ZFYVE28: variants seen among roughly 807,000 people sequenced by gnomAD.
ZFYVE28 encodes the protein zinc finger FYVE-type containing 28, also known as lateral signaling target protein 2 homolog.
ZFYVE28 carries 40 observed loss-of-function variants against 82.1 expected under a neutral mutation model. The observed-to-expected ratio is 0.49, with a 90% CI of 0.38 to 0.63. ZFYVE28 has a LOEUF of 0.63. Among genes scored for constraint, ZFYVE28 ranks in the 30% least tolerant of loss-of-function variants. The pLI, the probability that ZFYVE28 is intolerant of heterozygous loss-of-function variation, is 0.00. For synonymous variants in ZFYVE28, 612 were observed against 546.1 expected (o/e 1.12, Z -1.68); for missense variants, 1,321 against 1,242.1 (o/e 1.06, Z -0.96).
intron 7 of ZFYVE28, 53 bp from the exon 8 acceptor site, chr4:2,305,589 T>TCCAG (rs1716444572): frequency 1.8e-5 from 29 of 1,606,600 alleles, no homozygotes; most frequent in Non-Finnish European, 2.5e-5. Context: ...CACACCAGCC[T>TCCAG]CCTTGGCCAG....
chr4:2,367,688 C>T (rs974387688), intron 1 of ZFYVE28, among the ~76,000 whole-genome samples: 2 of 152,220 alleles, frequency 1.3e-5, no homozygotes, highest in East Asian at 3.9e-4. Flanking sequence ...CCACAACAGC[C>T]GGCCCAGGAT....
chr4:2,314,867 C>G (rs1434094660), intron 7 of ZFYVE28, among the ~76,000 whole-genome samples: 1 of 152,186 alleles, frequency 6.6e-6, no homozygotes, highest in Admixed American at 6.5e-5. Flanking sequence ...CAACCTCAAA[C>G]TCCTGGGCTC....
chr4:2,395,680 C>CA (rs1285872742), intron 1 of ZFYVE28, among the ~76,000 whole-genome samples: 1 of 152,212 alleles, frequency 6.6e-6, no homozygotes, highest in Non-Finnish European at 1.5e-5. Flanking sequence ...TCCCCACTCC[C>CA]AGCTCTTCTC....
chr4:2,408,887 C>T lies in ZFYVE28; in HGVS notation c.39+9398G>A, dbSNP rs1334136350. ...GTGATGGTTTGAAGCTCTCAGTTCC[C>T]GGCGGTTTCTAAGTGGACCTTCCCA... On this transcript the variant is annotated intron_variant, in intron 1 of 12. Coordinates refer to ENST00000290974, the MANE Select transcript of ZFYVE28 (RefSeq NM_020972.3). The surrounding 1 kb of genome is among the most constrained non-coding windows in gnomAD (Gnocchi z 4.3). 1.3e-5 allele frequency among the ~76,000 whole-genome samples: 2 copies of T among 152,218 alleles called. No homozygotes were observed. The highest frequency in any genetic ancestry group is 2.9e-5 in the Non-Finnish European group (2 of 68,026).
At chr4:2,293,858 A>G (rs896354729) in intron 8 of ZFYVE28, among the ~76,000 whole-genome samples, 1 of 152,140 alleles carries the variant, frequency 6.6e-6, no homozygotes, top group African/African-American at 2.4e-5. Context: ...CCAATTGACA[A>G]TGGCATCACA....
At chr4:2,383,876 G>A (rs1415618351) in intron 1 of ZFYVE28, among the ~76,000 whole-genome samples, 1 of 152,166 alleles carries the variant, frequency 6.6e-6, no homozygotes, top group Non-Finnish European at 1.5e-5. Flanking sequence ...CGCTCTCCAG[G>A]AGCCATCTCC....
rs1727102548 is a variant in ZFYVE28 at position 2,368,215 on chromosome 4, A to AAAAAAAAAAAAC, written c.40-14143_40-14142insGTTTTTTTTTTT. ...CAACAAAGCAACACATCTCTACAAAAAAAAAAAAAAAAAAACACTGTATCT... is the reference window on the plus strand; with the variant it reads ...CAACAAAGCAACACATCTCTACAAAAAAAAAAAAAAACAAAAAAAAAAAAAAACACTGTATCT... On this transcript the variant is annotated intron_variant, in intron 1 of 12. Transcript: ENST00000290974. Among the ~76,000 whole-genome samples, 3 of 146,290 alleles carry AAAAAAAAAAAAC rather than the reference A, an allele frequency of 2.1e-5. 1 individual carries two copies. The highest frequency in any genetic ancestry group is 4.5e-5 in the Non-Finnish European group (3 of 66,022).
intron 1 of ZFYVE28, among the ~76,000 whole-genome samples, chr4:2,403,380 C>T (rs528245441): frequency 2.0e-5 from 3 of 152,270 alleles, no homozygotes; most frequent in Non-Finnish European, 2.9e-5. Context: ...GTCACACACA[C>T]GAGTGTCAAC....
At position 2,269,734 on chromosome 4, in the gene ZFYVE28, C is replaced by G. The variant is rs889303941; in HGVS notation, c.*991G>C. 6.6e-6 allele frequency: 1 copy of G among 152,194 alleles called. No individual in the cohort carries two copies. The highest frequency in any genetic ancestry group is 1.5e-5 in the Non-Finnish European group (1 of 68,042). The allele number at this position is 152,194 out of a possible 1,614,324, so 9.4% of individuals were successfully genotyped here. ...CCGTTTCTATGCATATGTACTCCACCAGTAAACAGTAATTAGATTTATCCT... is the reference window on the plus strand; with the variant it reads ...CCGTTTCTATGCATATGTACTCCACGAGTAAACAGTAATTAGATTTATCCT... On this transcript the variant is annotated 3_prime_UTR_variant, in exon 13 of 13. Transcript: ENST00000290974.
intron 6 of ZFYVE28, among the ~76,000 whole-genome samples, chr4:2,322,015 C>T (rs1719153177): frequency 6.6e-6 from 1 of 152,194 alleles, no homozygotes; most frequent in Non-Finnish European, 1.5e-5. Context: ...CCTGCGGGGA[C>T]CCAAGACCCC....
Position 2,370,269 on chromosome 4 carries a change from TTTGCCTGGTCCTGTGTCATCAGGGG to T in ZFYVE28, c.40-16221_40-16197del, listed in dbSNP as rs370361253. On this transcript the variant is annotated intron_variant, in intron 1 of 12. Coordinates refer to ENST00000290974, the MANE Select transcript of ZFYVE28 (RefSeq NM_020972.3). ...ATGTCCCACAGCGGAGAGAAGGGGA[TTTGCCTGGTCCTGTGTCATCAGGGG>T]CACTGAGAAACCCCATGTCAGTGCG... Among the ~76,000 whole-genome samples the T allele has an allele frequency of 5.8e-3, 888 of 152,150 alleles. 7 individuals carry two copies. Among genetic ancestry groups the T allele is most frequent in the African/African-American group, 0.02 (842 of 41,512 alleles).
At chr4:2,398,184 G>T (rs1257417193) in intron 1 of ZFYVE28, among the ~76,000 whole-genome samples, 1 of 152,212 alleles carries the variant, frequency 6.6e-6, no homozygotes, top group Non-Finnish European at 1.5e-5. Flanking sequence ...GGATGGCCTG[G>T]CTCCACAGGA....
At chr4:2,272,445 T>C (rs1278964012) in intron 10 of ZFYVE28, among the ~76,000 whole-genome samples, 3 of 152,200 alleles carry the variant, frequency 2.0e-5, no homozygotes, top group African/African-American at 4.8e-5. Flanking sequence ...CCAGACTCCC[T>C]GTGCCTAACC....
At chr4:2,304,236 G>A (rs1376390319) in intron 8 of ZFYVE28, 53 bp downstream of exon 8, 2 of 1,501,492 alleles carry the variant, frequency 1.3e-6, no homozygotes, top group African/African-American at 1.4e-5. Context: ...GCCAGCACCT[G>A]CCCCCCAGTG....
chr4:2,308,683 G>GAGAGAGAAAGAAAGAAAAGA (rs1553830774), intron 7 of ZFYVE28, among the ~76,000 whole-genome samples: 1 of 81,442 alleles, frequency 1.2e-5, no homozygotes, highest in African/African-American at 5.0e-5. Flanking sequence ...GAAAGAGAAA[G>GAGAGAGAAAGAAAGAAAAGA]AAAGAAAAGA....
chr4:2,391,312 G>A (rs1459250527), intron 1 of ZFYVE28, among the ~76,000 whole-genome samples: 2 of 151,904 alleles, frequency 1.3e-5, no homozygotes, highest in Admixed American at 6.6e-5. Context: ...CTCCCAACCC[G>A]CGCTCATGTG....
chr4:2,389,432 C>T (rs1729598801), intron 1 of ZFYVE28, among the ~76,000 whole-genome samples: 1 of 152,188 alleles, frequency 6.6e-6, no homozygotes, highest in Non-Finnish European at 1.5e-5. Flanking sequence ...TCAGTGTCCA[C>T]CACATGAGGA....
chr4:2,289,457 T>A (rs987078891), intron 8 of ZFYVE28, among the ~76,000 whole-genome samples: 1 of 152,114 alleles, frequency 6.6e-6, no homozygotes, highest in African/African-American at 2.4e-5. Context: ...GGGGGTGGTA[T>A]GTGACAAAGG....
chr4:2,362,615 G>A lies in ZFYVE28; in HGVS notation c.40-8542C>T, dbSNP rs751494632. On this transcript the variant is annotated intron_variant, in intron 1 of 12. Coordinates refer to ENST00000290974, the MANE Select transcript of ZFYVE28 (RefSeq NM_020972.3). This position sits in a 1 kb window ranked among gnomAD's most constrained non-coding sequence, Gnocchi z 5.1. ...CTCATCCACAGCAGACACCCCAGGG[G>A]CTGCCAGGCTGGGGGCCCACTGACC... is the stretch of plus-strand genomic sequence containing the variant. Among the ~76,000 whole-genome samples, 24 of 152,086 alleles carry A rather than the reference G, an allele frequency of 1.6e-4. No individual in the cohort carries two copies. Among genetic ancestry groups the A allele is most frequent in the Non-Finnish European group, 2.5e-4 (17 of 67,988 alleles).
Sources: allele counts gnomAD v4.1 joint callset (sites outside exome capture counted in the v4.1 genomes callset), GRCh38; gene constraint gnomAD v4.1.1; non-coding constraint Gnocchi (gnomAD v3.1); transcripts MANE v1.5; gene names NCBI Gene and HGNC (gene_info 2026-07-23, HGNC 2026-07-21).